FAM174A: variants seen among roughly 807,000 people sequenced by gnomAD.
FAM174A encodes family with sequence similarity 174 member A, also known as membrane protein FAM174A.
A neutral mutation model predicts 14.3 loss-of-function variants in FAM174A; 14 were observed. The ratio of observed to expected loss-of-function variants is 0.98; its 90% CI spans 0.65 to 1.53. The LOEUF is 1.53. FAM174A is among the 40% of genes most tolerant of loss of function. The probability of loss-of-function intolerance (pLI) is 0.00; values close to 1 mark genes in which losing one functional copy is unlikely to be tolerated. For synonymous variants in FAM174A, 108 were observed against 111.4 expected, an observed-to-expected ratio of 0.97 and a Z score of 0.19; for missense variants, 241 against 249.6, an observed-to-expected ratio of 0.97 and a Z score of 0.23.
chr5:100,541,303 C>T (rs1746046383), intron 1 of FAM174A, among the ~76,000 whole-genome samples: 1 of 152,130 alleles, frequency 6.6e-6, no homozygotes, highest in Non-Finnish European at 1.5e-5. Context: ...GAGAAGGCTG[C>T]TCTTAAATAT....
At chr5:100,548,858 TA>T (rs2112371129) in intron 1 of FAM174A, among the ~76,000 whole-genome samples, 1 of 152,264 alleles carries the variant, frequency 6.6e-6, no homozygotes, top group African/African-American at 2.4e-5. Context: ...ATAATGTTTT[TA>T]ATACCTCTGT....
At chr5:100,570,706 A>G (rs1746760768) in intron 2 of FAM174A, among the ~76,000 whole-genome samples, 1 of 151,960 alleles carries the variant, frequency 6.6e-6, no homozygotes, top group African/African-American at 2.4e-5. Context: ...TGGATTTTAA[A>G]ATAGTTGGAT....
In FAM174A at chr5:100,562,199, C is replaced by G; in HGVS notation, c.569+11C>G. 6.4e-7 allele frequency: 1 copy of G among 1,563,606 alleles called. No homozygotes were observed. On this transcript the variant is annotated intron_variant, in intron 2 of 2. Coordinates refer to ENST00000312637, the MANE Select transcript of FAM174A (RefSeq NM_198507.3). ...CAATCATCCTCGAAGGTAAGTATTC[C>G]AGTAGTTTAATTCCATGAATCAGGA...
chr5:100,556,863 A>G (rs921805787), intron 1 of FAM174A, among the ~76,000 whole-genome samples: 2 of 152,188 alleles, frequency 1.3e-5, no homozygotes, highest in Non-Finnish European at 2.9e-5. Context: ...GGGGTTTTCT[A>G]GATATACAAT....
chr5:100,559,618 C>T (rs913373506), intron 1 of FAM174A, among the ~76,000 whole-genome samples: 1 of 152,108 alleles, frequency 6.6e-6, no homozygotes, highest in African/African-American at 2.4e-5. Flanking sequence ...TTCACATAGT[C>T]CCATATTTCT....
At chr5:100,581,877 C>T (rs904370355) in intron 2 of FAM174A, among the ~76,000 whole-genome samples, 22 of 152,198 alleles carry the variant, frequency 1.4e-4, no homozygotes, top group Middle Eastern at 3.4e-3. Flanking sequence ...AATATGATTG[C>T]TAGATCATAA....
chr5:100,583,522 G>A (rs1354249992), intron 2 of FAM174A, among the ~76,000 whole-genome samples: 1 of 152,102 alleles, frequency 6.6e-6, no homozygotes, highest in African/African-American at 2.4e-5. Context: ...TTATCATGTG[G>A]CACTGGTTCA....
intron 2 of FAM174A, among the ~76,000 whole-genome samples, chr5:100,570,862 T>C (rs1227708423): frequency 6.6e-6 from 1 of 152,004 alleles, no homozygotes; most frequent in African/African-American, 2.4e-5. Context: ...AGTAAATTTC[T>C]TACTATTTCT....
intron 2 of FAM174A, among the ~76,000 whole-genome samples, chr5:100,583,177 G>A (rs566089457): frequency 5.9e-5 from 9 of 152,220 alleles, no homozygotes; most frequent in South Asian, 4.1e-4. Flanking sequence ...TTGTCTTCAC[G>A]TTGAGTAGGC....
Position 100,535,727 on chromosome 5 carries a change from C to G in FAM174A, c.197C>G (p.Pro66Arg). The change falls in exon 1 of 3, where the codon CCG (proline) becomes CGG (arginine). Residue 66 changes from proline (P) to arginine (R), a missense_variant. Coordinates refer to ENST00000312637, the MANE Select transcript of FAM174A (RefSeq NM_198507.3). ...CCGGGCCCTACCCCTGCCCAGCAGCCGGGCCGTGGTCTGGCTGAAGCTGCG... is the reference window on the plus strand; with the variant it reads ...CCGGGCCCTACCCCTGCCCAGCAGCGGGGCCGTGGTCTGGCTGAAGCTGCG... The part of the protein sequence containing the change: ...LPPGPTPAQQ[P>R]GRGLAEAAGP... The G allele has an allele frequency of 6.2e-7, 1 of 1,604,652 alleles. No homozygotes were observed. The highest frequency in any genetic ancestry group is 2.2e-5 in the East Asian group (1 of 44,726).
chr5:100,548,886 A>G (rs1199193829), intron 1 of FAM174A, among the ~76,000 whole-genome samples: 2 of 152,092 alleles, frequency 1.3e-5, no homozygotes, highest in East Asian at 3.8e-4. Flanking sequence ...AACTATTAAT[A>G]CTATCACTAT....
At chr5:100,542,175 A>G (rs1290446635) in intron 1 of FAM174A, among the ~76,000 whole-genome samples, 1 of 152,134 alleles carries the variant, frequency 6.6e-6, no homozygotes, top group East Asian at 1.9e-4. Context: ...ATCCATCCAA[A>G]ATTCATTTCC....
intron 1 of FAM174A, among the ~76,000 whole-genome samples, chr5:100,541,188 A>G (rs1055466047): frequency 6.6e-6 from 1 of 152,192 alleles, no homozygotes; most frequent in Non-Finnish European, 1.5e-5. Flanking sequence ...TAATAAAGAC[A>G]TCATATTTGT....
chr5:100,549,371 T>C (rs960138044), intron 1 of FAM174A, among the ~76,000 whole-genome samples: 1 of 152,088 alleles, frequency 6.6e-6, no homozygotes, highest in Non-Finnish European at 1.5e-5. Context: ...AGAGGAGATA[T>C]GACAAGGAAA....
intron 1 of FAM174A, among the ~76,000 whole-genome samples, chr5:100,541,021 G>A (rs1746039524): frequency 6.6e-6 from 1 of 152,162 alleles, no homozygotes. Flanking sequence ...ATGACACCCT[G>A]GCTCAGGAGA....
At chr5:100,557,343 T>G (rs1471561558) in intron 1 of FAM174A, among the ~76,000 whole-genome samples, 1 of 152,154 alleles carries the variant, frequency 6.6e-6, no homozygotes, top group Admixed American at 6.6e-5. Context: ...TTTGCCAGTA[T>G]TTTATTGAGG....
chr5:100,559,640 T>C (rs1580370686), intron 1 of FAM174A, among the ~76,000 whole-genome samples: 2 of 152,172 alleles, frequency 1.3e-5, no homozygotes, highest in African/African-American at 2.4e-5. Flanking sequence ...GGAGGCTTTG[T>C]TCGTTTCTTT....
At chr5:100,559,804 C>G (rs1223507720) in intron 1 of FAM174A, among the ~76,000 whole-genome samples, 1 of 151,696 alleles carries the variant, frequency 6.6e-6, no homozygotes. Flanking sequence ...TTCATCAGGT[C>G]CTTTAAGGAC....
chr5:100,579,507 C>T (rs1746967283), intron 2 of FAM174A, among the ~76,000 whole-genome samples: 1 of 152,046 alleles, frequency 6.6e-6, no homozygotes, highest in Non-Finnish European at 1.5e-5. Flanking sequence ...TCGCTGCAGC[C>T]TCCCGCTTCC....
Sources: gnomAD v4.1 joint callset for allele counts (sites outside exome capture counted in the v4.1 genomes callset) on GRCh38, gnomAD v4.1.1 for gene constraint, MANE v1.5 for transcripts, NCBI Gene and HGNC (gene_info 2026-07-23, HGNC 2026-07-21) for gene names.